The following CD46 variants were observed in gnomAD, a reference collection of about 807,000 sequenced individuals.
CD46 encodes the protein membrane cofactor protein.
Under a neutral mutation model 53.3 loss-of-function variants are expected in CD46, and 30 were observed. That is an observed-to-expected ratio of 0.56 (90% CI 0.42 to 0.76). The LOEUF is 0.76. Among genes scored for constraint, CD46 ranks in the 30% least tolerant of loss-of-function variants. CD46 has a pLI of 0.00. For synonymous variants in CD46, 142 were observed against 152.0 expected (o/e 0.93, Z 0.48); for missense variants, 409 against 463.0 (o/e 0.88, Z 1.07).
intron 7 of CD46, 164 bp from the exon 8 acceptor site, chr1:207,770,157 G>C (rs540357584): frequency 1.6e-6 from 1 of 629,908 alleles, no homozygotes; most frequent in Admixed American, 2.7e-5. Flanking sequence ...TTACATACTT[G>C]TGCAAATATA....
Position 207,752,377 on chromosome 1 carries a change from G to A in CD46, c.97+68G>A. On this transcript the variant is annotated intron_variant, in intron 1 of 12. Coordinates refer to ENST00000367042, the MANE Select transcript of CD46 (RefSeq NM_172351.3). This position sits in a 1 kb window ranked among gnomAD's most constrained non-coding sequence, Gnocchi z 4.1. The stretch of plus-strand genomic sequence containing the variant: ...AGCTCTCCTCAGTCGGGCAAGAGTC[G>A]CGGGGCGGGGCTCACAGCAGGCCGT... 1.4e-6 allele frequency: 2 copies of A among 1,428,952 alleles called. No homozygotes were observed. The highest frequency in any genetic ancestry group is 2.0e-6 in the Non-Finnish European group (2 of 1,014,398). The allele number at this position is 1,428,952 out of a possible 1,614,324, so 88.5% of individuals were successfully genotyped here.
chr1:207,765,352 A>G (rs1656725904), intron 5 of CD46, among the ~76,000 whole-genome samples: 1 of 152,230 alleles, frequency 6.6e-6, no homozygotes, highest in Non-Finnish European at 1.5e-5. Flanking sequence ...TCTCACAGCT[A>G]ACATTACACT....
Position 207,752,111 on chromosome 1 carries a change from T to C in CD46, c.-102T>C. 1 of 1,079,366 alleles carries C rather than the reference T, an allele frequency of 9.3e-7. No homozygotes were observed. The highest frequency in any genetic ancestry group is 1.7e-5 in the Admixed American group (1 of 59,376). The allele number at this position is 1,079,366 out of a possible 1,614,324, so 66.9% of individuals were successfully genotyped here. On this transcript the variant is annotated 5_prime_UTR_variant, in exon 1 of 13. Transcript: ENST00000367042. The surrounding 1 kb of genome is among the most constrained non-coding windows in gnomAD (Gnocchi z 4.1). ...ACTGGATGCTTTGTGAGTTGGGGATTGTTGCGTCCCATATCTGGACCCAGA... is the reference window on the plus strand; with the variant it reads ...ACTGGATGCTTTGTGAGTTGGGGATCGTTGCGTCCCATATCTGGACCCAGA...
At chr1:207,789,752 G>A (rs1329594232) in intron 11 of CD46, among the ~76,000 whole-genome samples, 1 of 151,522 alleles carries the variant, frequency 6.6e-6, no homozygotes, top group Non-Finnish European at 1.5e-5. Context: ...AGGGTGTTAG[G>A]CCGGGTTTGG....
In CD46 at chr1:207,773,758, G is replaced by T. The variant is rs147909359; in HGVS notation, c.943+3396G>T. On this transcript the variant is annotated intron_variant, in intron 8 of 12. Transcript: ENST00000367042. Reference sequence around the variant, plus strand: ...ACTGTGGTCTGAGAGACAGTTTGTTGTGATTTCTGTTCTTTTACATTTGCT... The same window carrying T: ...ACTGTGGTCTGAGAGACAGTTTGTTTTGATTTCTGTTCTTTTACATTTGCT... 1.4e-3 allele frequency among the ~76,000 whole-genome samples: 206 copies of T among 152,234 alleles called. 1 individual carries two copies. The highest frequency in any genetic ancestry group is 4.7e-3 in the African/African-American group (196 of 41,536).
At chr1:207,760,846 A>T (rs1354708070) in intron 4 of CD46, 2 of 173,322 alleles carry the variant, frequency 1.2e-5, no homozygotes, top group Non-Finnish European at 2.5e-5. Context: ...TTAAATAACC[A>T]GATCTCCCAA....
At position 207,752,182 on chromosome 1, in the gene CD46, C is replaced by A. The variant is rs1159484039; in HGVS notation, c.-31C>A. On this transcript the variant is annotated 5_prime_UTR_variant, in exon 1 of 13. Transcript: ENST00000367042. The surrounding 1 kb of genome is among the most constrained non-coding windows in gnomAD (Gnocchi z 4.1). ...GGCTCTCGGTTTCTCTGCTTTCCTCCGGAGAAATAACAGCGTCTTCCGCGC... is the reference window on the plus strand; with the variant it reads ...GGCTCTCGGTTTCTCTGCTTTCCTCAGGAGAAATAACAGCGTCTTCCGCGC... 1 of 1,604,054 alleles carries A rather than the reference C, an allele frequency of 6.2e-7. No homozygotes were observed. Among genetic ancestry groups the A allele is most frequent in the African/African-American group, 1.3e-5 (1 of 74,926 alleles).
chr1:207,760,973 A>G (rs1381701701), intron 4 of CD46: 2 of 413,930 alleles, frequency 4.8e-6, no homozygotes, highest in Non-Finnish European at 9.0e-6. Flanking sequence ...GTGGACTACA[A>G]TTTGACATGC....
chr1:207,783,461 A>G (rs1658980632), intron 9 of CD46, 131 bp downstream of exon 9: 1 of 659,806 alleles, frequency 1.5e-6, no homozygotes, highest in East Asian at 2.7e-5. Context: ...CTGTGTTTGT[A>G]TGTAGGTTAA....
At chr1:207,767,557 G>A (rs754409310) in intron 6 of CD46, 3 of 1,382,548 alleles carry the variant, frequency 2.2e-6, no homozygotes, top group Non-Finnish European at 3.1e-6. Flanking sequence ...AATGAAATGA[G>A]AGCAATAACT....
At chr1:207,766,144 G>A (rs1656818328) in intron 5 of CD46, among the ~76,000 whole-genome samples, 1 of 152,188 alleles carries the variant, frequency 6.6e-6, no homozygotes, top group Admixed American at 6.5e-5. Flanking sequence ...GTGGGGATGA[G>A]GGGGAAGAGG....
rs41317841 is a variant in CD46, at chr1:207,777,866, T to C, written c.944-5426T>C. Among the ~76,000 whole-genome samples the C allele has an allele frequency of 3.2e-3, 490 of 152,310 alleles. 3 individuals are homozygous for C. Among genetic ancestry groups the C allele is most frequent in the African/African-American group, 0.011 (468 of 41,572 alleles). ...TTAGGTCTTTGAGGAATCGCCATAC[T>C]GCTTCCCACAATGGTGGAACTAAAT... On this transcript the variant is annotated intron_variant, in intron 8 of 12. Coordinates refer to ENST00000367042, the MANE Select transcript of CD46 (RefSeq NM_172351.3).
At chr1:207,781,716 G>A (rs1263279606) in intron 8 of CD46, among the ~76,000 whole-genome samples, 1 of 152,158 alleles carries the variant, frequency 6.6e-6, no homozygotes, top group African/African-American at 2.4e-5. Flanking sequence ...CACGCTTGTT[G>A]AAAACCGTTT....
chr1:207,787,022 A>G (rs1659329158), intron 11 of CD46, among the ~76,000 whole-genome samples: 1 of 152,128 alleles, frequency 6.6e-6, no homozygotes, highest in African/African-American at 2.4e-5. Flanking sequence ...AGGTTCATTA[A>G]CAAGTATTAA....
At chr1:207,769,855 C>T (rs554016665) in intron 7 of CD46, 13 of 165,376 alleles carry the variant, frequency 7.9e-5, no homozygotes, top group Non-Finnish European at 1.3e-4. Context: ...CTCCGCCTCC[C>T]GGGTTCAAGC....
At chr1:207,786,366 A>G (rs1399265291) in intron 11 of CD46, among the ~76,000 whole-genome samples, 1 of 152,196 alleles carries the variant, frequency 6.6e-6, no homozygotes, top group South Asian at 2.1e-4. Context: ...AAAAATGTAA[A>G]AAGTGAGTGG....
chr1:207,780,061 CA>C (rs1292238970), intron 8 of CD46, among the ~76,000 whole-genome samples: 9 of 151,788 alleles, frequency 5.9e-5, no homozygotes, highest in Admixed American at 3.9e-4. Flanking sequence ...GTTTACAATT[CA>C]GTGGCATTCA....
intron 8 of CD46, among the ~76,000 whole-genome samples, chr1:207,781,730 C>G (rs963170646): frequency 6.6e-6 from 1 of 152,134 alleles, no homozygotes; most frequent in African/African-American, 2.4e-5. Context: ...ACCGTTTGAC[C>G]ATATATGCAG....
intron 1 of CD46, among the ~76,000 whole-genome samples, chr1:207,754,037 G>C (rs41316821): frequency 0.044 from 6,653 of 152,260 alleles, 199 homozygotes; most frequent in Non-Finnish European, 0.069. Flanking sequence ...TAAGTGCTCA[G>C]TGCCGGGAAC....
Sources: gnomAD v4.1 joint callset for allele counts (sites outside exome capture counted in the v4.1 genomes callset) on GRCh38, gnomAD v4.1.1 for gene constraint, Gnocchi (gnomAD v3.1) non-coding constraint, MANE v1.5 for transcripts, NCBI Gene and HGNC (gene_info 2026-07-23, HGNC 2026-07-21) for gene names.